Variants in ARHGAP21 observed in about 807,000 individuals in gnomAD.
The protein encoded by ARHGAP21 is rho GTPase-activating protein 21.
A neutral mutation model predicts 164.6 loss-of-function variants in ARHGAP21; 38 were observed. That is an observed-to-expected ratio of 0.23 (90% CI 0.18 to 0.30). ARHGAP21 has a LOEUF of 0.30. Among genes scored for constraint, ARHGAP21 ranks in the 10% least tolerant of loss-of-function variants. The pLI is 1.00. For synonymous variants in ARHGAP21, 766 were observed against 857.9 expected, an observed-to-expected ratio of 0.89 and a Z score of 1.87; for missense variants, 1,822 against 2,370.7, an observed-to-expected ratio of 0.77 and a Z score of 4.81.
chr10:24,694,975 T>C (rs1843026153), intron 2 of ARHGAP21, among the ~76,000 whole-genome samples: 1 of 128,864 alleles, frequency 7.8e-6, no homozygotes. Context: ...CACTTGAACC[T>C]GGGAGGTGGA....
At chr10:24,708,829 CTATT>C (rs1844497417) in intron 2 of ARHGAP21, among the ~76,000 whole-genome samples, 1 of 152,178 alleles carries the variant, frequency 6.6e-6, no homozygotes, top group Non-Finnish European at 1.5e-5. Flanking sequence ...TTGTCTTTGT[CTATT>C]CCTCCACTGA....
At chr10:24,655,809 G>A (rs1453494613) in intron 4 of ARHGAP21, among the ~76,000 whole-genome samples, 1,518 of 137,370 alleles carry the variant, frequency 0.011, 23 homozygotes, top group African/African-American at 0.036. Context: ...AGGAAGTGAG[G>A]AGCGTCTCTG....
intron 3 of ARHGAP21, 68 bp downstream of exon 3, chr10:24,670,150 G>A: frequency 2.6e-6 from 3 of 1,134,494 alleles, no homozygotes; most frequent in Non-Finnish European, 3.6e-6. Flanking sequence ...AGGGTAAGAG[G>A]AAGACTAGAA....
At chr10:24,602,593 C>T (rs539250123) in intron 12 of ARHGAP21, among the ~76,000 whole-genome samples, 17 of 152,202 alleles carry the variant, frequency 1.1e-4, no homozygotes, top group Middle Eastern at 6.8e-3. Context: ...TTTAAATGTT[C>T]GCTGATTAAT....
At chr10:24,604,240 G>C in intron 12 of ARHGAP21, 72 bp downstream of exon 12, 1 of 994,090 alleles carries the variant, frequency 1.0e-6, no homozygotes, top group African/African-American at 1.7e-5. Context: ...AATATTAAAT[G>C]TCTACTGGGT....
chr10:24,631,814 G>C (rs1320758505), intron 6 of ARHGAP21, among the ~76,000 whole-genome samples: 2 of 152,108 alleles, frequency 1.3e-5, no homozygotes, highest in African/African-American at 4.8e-5. Context: ...TCACTTGACT[G>C]ACCTCCTGGA....
intron 2 of ARHGAP21, among the ~76,000 whole-genome samples, chr10:24,679,106 A>C (rs1841534205): frequency 6.6e-6 from 1 of 152,212 alleles, no homozygotes; most frequent in Non-Finnish European, 1.5e-5. Flanking sequence ...CACAATTTAC[A>C]TTTCCCTGGA....
chr10:24,707,076 G>C (rs1844310486), intron 2 of ARHGAP21, among the ~76,000 whole-genome samples: 2 of 152,180 alleles, frequency 1.3e-5, no homozygotes, highest in South Asian at 2.1e-4. Flanking sequence ...GCGCCACACA[G>C]AGCTAACAAC....
Position 24,592,156 on chromosome 10 carries a change from A to ATTTT in ARHGAP21, c.3877-148_3877-145dup, listed in dbSNP as rs57846258. 9.8e-4 allele frequency: 209 copies of ATTTT among 213,708 alleles called. 2 individuals are homozygous for ATTTT. The highest frequency in any genetic ancestry group is 6.8e-3 in the African/African-American group (167 of 24,416). 13.2% of individuals were successfully genotyped at this position (213,708 alleles called of 1,614,324 possible). Reference sequence around the variant, plus strand: ...TAAAAAAATAATGCTTTCTAGCAAGATTTTTTTTTTTTTTTTTTTTTTTTT... The same window carrying ATTTT: ...TAAAAAAATAATGCTTTCTAGCAAGATTTTTTTTTTTTTTTTTTTTTTTTTTTTT... On this transcript the variant is annotated intron_variant, in intron 21 of 25. Coordinates refer to ENST00000396432, the MANE Select transcript of ARHGAP21 (RefSeq NM_020824.4).
intron 4 of ARHGAP21, among the ~76,000 whole-genome samples, chr10:24,642,923 C>T (rs1297021681): frequency 6.6e-6 from 1 of 152,130 alleles, no homozygotes; most frequent in Non-Finnish European, 1.5e-5. Flanking sequence ...AAAATTAGAG[C>T]CCTGGAAAAT....
chr10:24,616,592 G>C (rs567837655), intron 9 of ARHGAP21, among the ~76,000 whole-genome samples: 1 of 152,270 alleles, frequency 6.6e-6, no homozygotes, highest in Non-Finnish European at 1.5e-5. Context: ...CCAATGTTGG[G>C]GTAAGATGGA....
intron 2 of ARHGAP21, among the ~76,000 whole-genome samples, chr10:24,719,719 T>A (rs1181751994): frequency 6.6e-6 from 1 of 152,190 alleles, no homozygotes; most frequent in Non-Finnish European, 1.5e-5. Context: ...AATGCAATGT[T>A]CAAAAACCTA....
chr10:24,652,675 T>C (rs1838304140), intron 4 of ARHGAP21, among the ~76,000 whole-genome samples: 1 of 152,220 alleles, frequency 6.6e-6, no homozygotes, highest in African/African-American at 2.4e-5. Context: ...GTAATCAACC[T>C]CATTAGTCTT....
chr10:24,597,223 T>C (rs1036990515), intron 16 of ARHGAP21, among the ~76,000 whole-genome samples: 1 of 152,152 alleles, frequency 6.6e-6, no homozygotes, highest in Non-Finnish European at 1.5e-5. Flanking sequence ...TGTCTCTGAT[T>C]TAAGTATTGT....
chr10:24,616,919 A>T (rs991940405), intron 9 of ARHGAP21, among the ~76,000 whole-genome samples: 2 of 152,148 alleles, frequency 1.3e-5, no homozygotes, highest in African/African-American at 4.8e-5. Flanking sequence ...TAATATTCCA[A>T]ATTTAAAAAC....
In ARHGAP21 at chr10:24,595,900, A is replaced by G. The variant is rs3748220; in HGVS notation, c.3621T>C (p.Asp1207=). ...EELNKGMADI[D]IQDDKWRDLN... ...TAAGCAAACTTACATCATCTTGTAT[A>G]TCAATATCAGCCATTCCCTTGTTGA... is the stretch of plus-strand genomic sequence containing the variant. The change falls in exon 18 of 26, where the codon GAT becomes GAC. Residue 1207 remains aspartate, a synonymous_variant. Coordinates refer to ENST00000396432, the MANE Select transcript of ARHGAP21 (RefSeq NM_020824.4). 1.0e-3 allele frequency: 1,673 copies of G among 1,612,550 alleles called. 30 individuals carry two copies. In the East Asian group the frequency reaches 0.029, roughly 28 times the overall value.
intron 2 of ARHGAP21, among the ~76,000 whole-genome samples, chr10:24,686,550 GA>G (rs1404601415): frequency 6.6e-6 from 1 of 152,150 alleles, no homozygotes; most frequent in Non-Finnish European, 1.5e-5. Flanking sequence ...TCATGACTGT[GA>G]ACATTTTTCA....
At chr10:24,709,770 C>CACAACAACA (rs144410501) in intron 2 of ARHGAP21, among the ~76,000 whole-genome samples, 1 of 148,742 alleles carries the variant, frequency 6.7e-6, no homozygotes, top group Admixed American at 6.7e-5. Context: ...CAGACAAGGA[C>CACAACAACA]ACAACAACAA....
intron 2 of ARHGAP21, among the ~76,000 whole-genome samples, chr10:24,706,823 T>G (rs1844270080): frequency 6.6e-6 from 1 of 152,254 alleles, no homozygotes; most frequent in African/African-American, 2.4e-5. Context: ...ATAAAATTCT[T>G]ACTGAGTATT....
Sources: gnomAD v4.1 joint callset for allele counts (sites outside exome capture counted in the v4.1 genomes callset) on GRCh38, gnomAD v4.1.1 for gene constraint, MANE v1.5 for transcripts, NCBI Gene and HGNC (gene_info 2026-07-23, HGNC 2026-07-21) for gene names.